The following TSPAN18 variants were observed in gnomAD, a reference collection of about 807,000 sequenced individuals.
The protein encoded by TSPAN18 is tetraspanin 18, also known as tetraspanin-18.
A neutral mutation model predicts 27.3 loss-of-function variants in TSPAN18; 14 were observed. The ratio of observed to expected loss-of-function variants is 0.51; its 90% CI spans 0.34 to 0.80. TSPAN18 has a LOEUF of 0.80. Ranked by LOEUF, TSPAN18 falls within the 30% of genes least tolerant of loss-of-function variation. TSPAN18 has a pLI of 0.01. For missense variants in TSPAN18, 268 were observed against 323.9 expected (o/e 0.83, Z 1.32); for synonymous variants, 143 against 136.5 (o/e 1.05, Z -0.33).
chr11:44,788,987 T>C (rs759197694), intron 2 of TSPAN18, among the ~76,000 whole-genome samples: 3 of 152,226 alleles, frequency 2.0e-5, no homozygotes, highest in Non-Finnish European at 2.9e-5. Flanking sequence ...GGGCTCGGCA[T>C]GTGGAGAAAA....
At chr11:44,785,313 T>G (rs2134963812) in intron 2 of TSPAN18, among the ~76,000 whole-genome samples, 1 of 152,326 alleles carries the variant, frequency 6.6e-6, no homozygotes, top group South Asian at 2.1e-4. Flanking sequence ...TTGATTTTTT[T>G]TAATAGCTTT....
chr11:44,922,768 T>C (rs1860191149), intron 8 of TSPAN18, among the ~76,000 whole-genome samples: 1 of 152,188 alleles, frequency 6.6e-6, no homozygotes, highest in African/African-American at 2.4e-5. Context: ...GACTGGCTTC[T>C]GGTTTGGGGA....
In TSPAN18 at chr11:44,814,136, T is replaced by G. The variant is rs1642060187; in HGVS notation, c.-152-46192T>G. 2.0e-5 allele frequency among the ~76,000 whole-genome samples: 3 copies of G among 152,342 alleles called. No homozygotes were observed. In the East Asian group the frequency reaches 5.8e-4, roughly 29 times the overall value. ...GTGGCATCTCTGCAGAGAACCAGAA[T>G]GGAGGTTCCCAGACTTCATTTCCTT... On this transcript the variant is annotated intron_variant, in intron 2 of 9. Coordinates refer to ENST00000520358, the MANE Select transcript of TSPAN18 (RefSeq NM_130783.5).
rs916699380 is a variant in TSPAN18, at chr11:44,890,407, T to C, written c.-10-16000T>C. 2.6e-5 allele frequency among the ~76,000 whole-genome samples: 4 copies of C among 152,340 alleles called. No homozygotes were observed. In the East Asian group the frequency reaches 7.7e-4, roughly 29 times the overall value. ...TGTCATCAACAGATCTAAGTACATA[T>C]TTTCAAATTACCTAAAAATTGCTGG... On this transcript the variant is annotated intron_variant, in intron 3 of 9. Coordinates refer to ENST00000520358, the MANE Select transcript of TSPAN18 (RefSeq NM_130783.5).
intron 3 of TSPAN18, among the ~76,000 whole-genome samples, chr11:44,904,834 T>G (rs1382931434): frequency 1.3e-5 from 2 of 151,924 alleles, no homozygotes; most frequent in Non-Finnish European, 2.9e-5. Context: ...GGGGACAGAG[T>G]TGCTGAGGCC....
At chr11:44,921,711 G>C (rs1201644844) in intron 8 of TSPAN18, among the ~76,000 whole-genome samples, 1 of 152,206 alleles carries the variant, frequency 6.6e-6, no homozygotes, top group Non-Finnish European at 1.5e-5. Flanking sequence ...AAAGACCAGT[G>C]AATTTGTAAC....
At chr11:44,865,199 T>C (rs539088997) in intron 3 of TSPAN18, among the ~76,000 whole-genome samples, 7 of 152,310 alleles carry the variant, frequency 4.6e-5, no homozygotes, top group African/African-American at 7.2e-5. Context: ...GTGTGTACCC[T>C]GATTTAAGGA....
intron 1 of TSPAN18, among the ~76,000 whole-genome samples, chr11:44,755,026 C>T (rs1855300099): frequency 6.6e-6 from 1 of 152,126 alleles, no homozygotes. Flanking sequence ...GCAGAAAAGC[C>T]CCAGACCAGA....
intron 2 of TSPAN18, among the ~76,000 whole-genome samples, chr11:44,857,143 G>A (rs1347664263): frequency 1.3e-5 from 2 of 152,210 alleles, no homozygotes; most frequent in Non-Finnish European, 2.9e-5. Context: ...GAGGGACTTA[G>A]GTAAAGGAAT....
rs150661907 is a variant in TSPAN18, at chr11:44,820,354, G to A, written c.-152-39974G>A. On this transcript the variant is annotated intron_variant, in intron 2 of 9. Coordinates refer to ENST00000520358, the MANE Select transcript of TSPAN18 (RefSeq NM_130783.5). ...GCCTTCTGTTGCTAATGGTCAAGGGGTGGACTGCTCTGGGCACAGGCGTCC... is the reference window on the plus strand; with the variant it reads ...GCCTTCTGTTGCTAATGGTCAAGGGATGGACTGCTCTGGGCACAGGCGTCC... 3.8e-3 allele frequency among the ~76,000 whole-genome samples: 572 copies of A among 152,348 alleles called. 7 individuals carry two copies. The highest frequency in any genetic ancestry group is 0.012 in the African/African-American group (518 of 41,574).
chr11:44,925,066 G>A (rs917568005), intron 8 of TSPAN18, among the ~76,000 whole-genome samples: 2 of 152,194 alleles, frequency 1.3e-5, no homozygotes, highest in Non-Finnish European at 2.9e-5. Context: ...TGCCCTTAGG[G>A]CTCCATCCCA....
intron 3 of TSPAN18, among the ~76,000 whole-genome samples, chr11:44,882,583 GAGAGACAC>G (rs1274519535): frequency 1.7e-5 from 1 of 59,286 alleles, no homozygotes; most frequent in Non-Finnish European, 3.2e-5. Context: ...TGGTCAGAGA[GAGAGACAC>G]ACACACACAC....
intron 1 of TSPAN18, among the ~76,000 whole-genome samples, chr11:44,729,587 T>G (rs888367504): frequency 1.3e-5 from 2 of 152,184 alleles, no homozygotes; most frequent in Non-Finnish European, 1.5e-5. Flanking sequence ...CTTGTCTCCC[T>G]TGTCCCCAAA....
intron 2 of TSPAN18, among the ~76,000 whole-genome samples, chr11:44,780,380 G>A (rs764909784): frequency 6.6e-6 from 1 of 152,218 alleles, no homozygotes; most frequent in Non-Finnish European, 1.5e-5. Flanking sequence ...TTGAGACAGG[G>A]ACAATCTGGG....
chr11:44,855,395 A>G (rs904862149), intron 2 of TSPAN18, among the ~76,000 whole-genome samples: 3 of 152,210 alleles, frequency 2.0e-5, no homozygotes, highest in Non-Finnish European at 2.9e-5. Context: ...TATTTGTAAT[A>G]GGGGAAAGGT....
intron 1 of TSPAN18, among the ~76,000 whole-genome samples, chr11:44,740,031 A>T (rs934693528): frequency 1.3e-5 from 2 of 152,146 alleles, no homozygotes; most frequent in Non-Finnish European, 2.9e-5. Context: ...CCCTTTCCTG[A>T]TGTCCCACCA....
At chr11:44,832,341 G>A (rs1171550665) in intron 2 of TSPAN18, among the ~76,000 whole-genome samples, 1 of 152,292 alleles carries the variant, frequency 6.6e-6, no homozygotes, top group African/African-American at 2.4e-5. Flanking sequence ...TGCTATTAAT[G>A]AATAAATGAT....
intron 2 of TSPAN18, among the ~76,000 whole-genome samples, chr11:44,830,354 C>G (rs924057600): frequency 1.3e-5 from 2 of 152,212 alleles, no homozygotes; most frequent in African/African-American, 4.8e-5. Flanking sequence ...TTTGCAAGTG[C>G]CATAGCAGGG....
Position 44,926,731 on chromosome 11 carries a change from CTTG to C in TSPAN18, c.674_676del (p.Leu225_Ala226delinsPro). 6.2e-7 allele frequency: 1 copy of C among 1,614,168 alleles called. No individual in the cohort carries two copies. Among genetic ancestry groups the C allele is most frequent in the Non-Finnish European group, 8.5e-7 (1 of 1,180,004 alleles). ...GACCTACGTCTACTTGGCCGGAGCC[CTTG>C]CCATCGGGGTACTGGCCATCGAGGT... On this transcript the variant is annotated inframe_deletion, in exon 9 of 10. Transcript: ENST00000520358.
Sources: allele counts gnomAD v4.1 joint callset (sites outside exome capture counted in the v4.1 genomes callset), GRCh38; gene constraint gnomAD v4.1.1; transcripts MANE v1.5; gene names NCBI Gene and HGNC (gene_info 2026-07-23, HGNC 2026-07-21).